The following SLCO1B1 variants were observed in gnomAD, a reference collection of about 807,000 sequenced individuals.
SLCO1B1 encodes the protein OATP-2.
Under a neutral mutation model 70.1 loss-of-function variants are expected in SLCO1B1, and 81 were observed. The ratio of observed to expected loss-of-function variants is 1.16; its 90% CI spans 0.97 to 1.39. The LOEUF (loss-of-function observed/expected upper bound fraction) is 1.39. Among genes scored for constraint, SLCO1B1 ranks in the 40% most tolerant of loss-of-function variants. SLCO1B1 has a pLI of 0.00. For missense variants in SLCO1B1, 895 were observed against 799.6 expected (o/e 1.12, Z -1.44); for synonymous variants, 283 against 271.5 (o/e 1.04, Z -0.42).
intron 7 of SLCO1B1, among the ~76,000 whole-genome samples, chr12:21,189,055 T>G (rs1023591697): frequency 6.6e-6 from 1 of 152,174 alleles, no homozygotes; most frequent in Non-Finnish European, 1.5e-5. Context: ...CTATTATGAA[T>G]AGTGCTGCAA....
At chr12:21,143,784 G>A (rs933445425) in intron 2 of SLCO1B1, among the ~76,000 whole-genome samples, 4 of 151,882 alleles carry the variant, frequency 2.6e-5, no homozygotes, top group Non-Finnish European at 5.9e-5. Context: ...TTTTATAAGT[G>A]GTGTCTTTAA....
chr12:21,142,077 A>AG (rs1940317516), intron 2 of SLCO1B1, among the ~76,000 whole-genome samples: 1 of 151,038 alleles, frequency 6.6e-6, no homozygotes, highest in African/African-American at 2.4e-5. Context: ...TTTTAAAAAA[A>AG]AAAACAAAAA....
intron 2 of SLCO1B1, among the ~76,000 whole-genome samples, chr12:21,172,188 T>C (rs1441838125): frequency 6.6e-6 from 1 of 152,160 alleles, no homozygotes; most frequent in Non-Finnish European, 1.5e-5. Flanking sequence ...TGTCAGTCAC[T>C]TGTGTTGGTC....
At chr12:21,171,470 CAG>C in intron 2 of SLCO1B1, among the ~76,000 whole-genome samples, 1 of 152,182 alleles carries the variant, frequency 6.6e-6, no homozygotes, top group Non-Finnish European at 1.5e-5. Flanking sequence ...CATAGGAAAA[CAG>C]AGGGGCAGCA....
At chr12:21,138,440 A>C (rs1218823212) in intron 1 of SLCO1B1, among the ~76,000 whole-genome samples, 4 of 152,236 alleles carry the variant, frequency 2.6e-5, no homozygotes, top group African/African-American at 9.6e-5. Context: ...ATGTTCAGAG[A>C]AAAATATGTT....
chr12:21,216,051 G>T (rs553220237), intron 11 of SLCO1B1, among the ~76,000 whole-genome samples: 49 of 152,220 alleles, frequency 3.2e-4, no homozygotes, highest in South Asian at 1.7e-3. Flanking sequence ...ACCCTAAAAA[G>T]AATTGTGTCT....
chr12:21,165,442 C>T (rs970224782), intron 2 of SLCO1B1, among the ~76,000 whole-genome samples: 2 of 151,990 alleles, frequency 1.3e-5, no homozygotes, highest in Non-Finnish European at 2.9e-5. Context: ...GCTCATAAAA[C>T]GTCTGAGAAG....
chr12:21,209,748 A>G (rs1446657152), intron 11 of SLCO1B1, among the ~76,000 whole-genome samples: 1 of 150,924 alleles, frequency 6.6e-6, no homozygotes, highest in Non-Finnish European at 1.5e-5. Flanking sequence ...AATGATTGCC[A>G]TTCTAACTGG....
chr12:21,164,787 C>T (rs1330790320), intron 2 of SLCO1B1: 1 of 473,938 alleles, frequency 2.1e-6, no homozygotes, highest in Non-Finnish European at 4.2e-6. Context: ...GCCCCAATGT[C>T]AACACATCTT....
At chr12:21,160,049 C>T (rs142336820) in intron 2 of SLCO1B1, among the ~76,000 whole-genome samples, 63 of 137,336 alleles carry the variant, frequency 4.6e-4, no homozygotes, top group Non-Finnish European at 8.0e-4. Flanking sequence ...CTGCCCAAAG[C>T]AATTTATAGG....
chr12:21,230,220 C>T (rs1941519589), intron 14 of SLCO1B1, among the ~76,000 whole-genome samples: 2 of 151,342 alleles, frequency 1.3e-5, no homozygotes, highest in Admixed American at 1.3e-4. Flanking sequence ...GGAAATCCCA[C>T]TTAGTCATGA....
In SLCO1B1 at chr12:21,205,858, A is replaced by G. The variant is rs762373301; in HGVS notation, c.1332-10A>G. The G allele has an allele frequency of 1.3e-6, 2 of 1,586,958 alleles. No individual in the cohort carries two copies. The highest frequency in any genetic ancestry group is 2.2e-5 in the East Asian group (1 of 44,640). ...TCTCTTTTTGATATATGTCTATCAT[A>G]TATTTCCAGAAATAATCCAGTGACA... is the stretch of plus-strand genomic sequence containing the variant. On this transcript the variant is annotated splice_polypyrimidine_tract_variant and intron_variant, in intron 10 of 14. Coordinates refer to ENST00000256958, the MANE Select transcript of SLCO1B1 (RefSeq NM_006446.5).
intron 2 of SLCO1B1, among the ~76,000 whole-genome samples, chr12:21,156,720 G>A (rs999352933): frequency 3.9e-5 from 6 of 152,224 alleles, no homozygotes; most frequent in African/African-American, 1.4e-4. Context: ...TTTATATCTT[G>A]AGCTGGGGTA....
chr12:21,147,858 T>A (rs1328378639), intron 2 of SLCO1B1, among the ~76,000 whole-genome samples: 1 of 152,188 alleles, frequency 6.6e-6, no homozygotes, highest in African/African-American at 2.4e-5. Flanking sequence ...TTTCTCCACA[T>A]CCTCTCCAGC....
chr12:21,176,630 C>T (rs1383265319), intron 4 of SLCO1B1, 146 bp from the exon 5 acceptor site: 1 of 641,046 alleles, frequency 1.6e-6, no homozygotes, highest in Non-Finnish European at 2.8e-6. Context: ...TCTCTTAAAA[C>T]ACATGCTGGG....
intron 13 of SLCO1B1, among the ~76,000 whole-genome samples, chr12:21,223,955 T>G (rs1010408084): frequency 3.3e-5 from 5 of 152,128 alleles, no homozygotes; most frequent in African/African-American, 4.8e-5. Context: ...TGCTAAATCA[T>G]GAGCTACAAA....
chr12:21,153,995 A>G (rs922831590), intron 2 of SLCO1B1, among the ~76,000 whole-genome samples: 5 of 152,100 alleles, frequency 3.3e-5, no homozygotes, highest in Non-Finnish European at 5.9e-5. Flanking sequence ...AAAATTATCT[A>G]TCTTTAAACT....
At chr12:21,181,154 C>T (rs1940892852) in intron 7 of SLCO1B1, among the ~76,000 whole-genome samples, 2 of 152,290 alleles carry the variant, frequency 1.3e-5, no homozygotes, top group Non-Finnish European at 2.9e-5. Flanking sequence ...TTTTAATGCA[C>T]AAATTTAGGC....
At chr12:21,186,377 T>C (rs1422940001) in intron 7 of SLCO1B1, among the ~76,000 whole-genome samples, 2 of 152,136 alleles carry the variant, frequency 1.3e-5, no homozygotes, top group South Asian at 2.1e-4. Context: ...GTGACACTAA[T>C]TATCTCCACA....
Sources: gnomAD v4.1 joint callset for allele counts (sites outside exome capture counted in the v4.1 genomes callset) on GRCh38, gnomAD v4.1.1 for gene constraint, MANE v1.5 for transcripts, NCBI Gene and HGNC (gene_info 2026-07-23, HGNC 2026-07-21) for gene names.